DCC: variants seen among roughly 807,000 people sequenced by gnomAD.
DCC encodes DCC netrin 1 receptor.
DCC carries 58 observed loss-of-function variants against 172.5 expected under a neutral mutation model. The observed-to-expected ratio is 0.34, with a 90% confidence interval of 0.27 to 0.42. The LOEUF is 0.42. Among genes scored for constraint, DCC ranks in the 10% least tolerant of loss-of-function variants. The pLI, the probability that DCC is intolerant of heterozygous loss-of-function variation, is 1.00. For missense variants in DCC, 1,740 were observed against 1,791.0 expected (o/e 0.97, Z 0.51); for synonymous variants, 709 against 644.5 (o/e 1.10, Z -1.52).
intron 15 of DCC, among the ~76,000 whole-genome samples, chr18:53,375,376 G>A (rs2144967151): frequency 6.6e-6 from 1 of 152,250 alleles, no homozygotes; most frequent in Middle Eastern, 3.4e-3. Context: ...AAAGTAAAAG[G>A]AGAAAGGAAA....
At chr18:52,352,027 C>T (rs932229544) in intron 1 of DCC, among the ~76,000 whole-genome samples, 2 of 152,142 alleles carry the variant, frequency 1.3e-5, no homozygotes, top group Non-Finnish European at 2.9e-5. Context: ...AGCATCCCAG[C>T]TATTGGGTTT....
At chr18:52,590,316 A>G (rs1011509649) in intron 1 of DCC, among the ~76,000 whole-genome samples, 2 of 152,124 alleles carry the variant, frequency 1.3e-5, no homozygotes, top group Non-Finnish European at 2.9e-5. Context: ...ATGCTATGCA[A>G]TGTCGATGTC....
intron 1 of DCC, among the ~76,000 whole-genome samples, chr18:52,596,071 C>A (rs1269662073): frequency 6.6e-6 from 1 of 152,180 alleles, no homozygotes; most frequent in Non-Finnish European, 1.5e-5. Context: ...TGTTTTACAA[C>A]TATTGGCTCC....
intron 27 of DCC, among the ~76,000 whole-genome samples, chr18:53,506,457 A>G (rs1278781374): frequency 2.0e-5 from 3 of 152,220 alleles, no homozygotes; most frequent in Non-Finnish European, 4.4e-5. Flanking sequence ...CATAGAGTGG[A>G]AAAGACACTT....
chr18:53,014,162 A>G (rs2041771877), intron 5 of DCC, among the ~76,000 whole-genome samples: 2 of 152,198 alleles, frequency 1.3e-5, no homozygotes, highest in African/African-American at 4.8e-5. Flanking sequence ...CCCATTTTGA[A>G]TCAATCTACA....
intron 1 of DCC, among the ~76,000 whole-genome samples, chr18:52,749,990 T>C (rs1458166386): frequency 6.6e-6 from 1 of 152,172 alleles, no homozygotes; most frequent in Non-Finnish European, 1.5e-5. Flanking sequence ...GTCTCATCCT[T>C]AGTGTTTCTC....
chr18:52,971,856 C>G (rs970898697), intron 5 of DCC, among the ~76,000 whole-genome samples: 2 of 151,980 alleles, frequency 1.3e-5, no homozygotes, highest in African/African-American at 4.8e-5. Flanking sequence ...TTTTCTTATC[C>G]CTGGATCTCT....
intron 2 of DCC, among the ~76,000 whole-genome samples, chr18:52,865,302 C>CTGTGTGTTTT (rs2039206344): frequency 6.6e-6 from 1 of 152,060 alleles, no homozygotes; most frequent in Non-Finnish European, 1.5e-5. Flanking sequence ...ATAAACATAC[C>CTGTGTGTTTT]TGTGCATGTG....
At chr18:52,358,797 T>G (rs1334550330) in intron 1 of DCC, among the ~76,000 whole-genome samples, 1 of 152,182 alleles carries the variant, frequency 6.6e-6, no homozygotes, top group Non-Finnish European at 1.5e-5. Flanking sequence ...CTTGCTGGCT[T>G]TCATGTCCCC....
chr18:52,883,168 G>C (rs944860778), intron 2 of DCC, among the ~76,000 whole-genome samples: 4 of 151,786 alleles, frequency 2.6e-5, no homozygotes, highest in Admixed American at 6.6e-5. Flanking sequence ...TGGTTCTTGT[G>C]GGCAACAGAT....
intron 24 of DCC, among the ~76,000 whole-genome samples, chr18:53,464,879 T>C (rs1208405487): frequency 1.4e-5 from 2 of 146,994 alleles, no homozygotes; most frequent in African/African-American, 5.1e-5. Flanking sequence ...CTTGGGAGGC[T>C]GAAGCAGGAG....
chr18:53,195,394 A>C (rs2055428408), intron 9 of DCC, among the ~76,000 whole-genome samples: 1 of 152,128 alleles, frequency 6.6e-6, no homozygotes, highest in Admixed American at 6.5e-5. Context: ...AAGAGACTAC[A>C]TTTTTCTGAG....
At chr18:52,801,327 TAAC>T (rs2037980904) in intron 2 of DCC, among the ~76,000 whole-genome samples, 1 of 152,162 alleles carries the variant, frequency 6.6e-6, no homozygotes, top group Non-Finnish European at 1.5e-5. Context: ...ACTACAACAG[TAAC>T]AACAGCTCAC....
intron 21 of DCC, chr18:53,416,386 A>G (rs1190140763): frequency 1.5e-6 from 1 of 677,614 alleles, no homozygotes; most frequent in African/African-American, 1.8e-5. Flanking sequence ...ATTCTGAAGG[A>G]CCAATTAAAA....
At chr18:52,899,539 G>C (rs2039780677) in intron 2 of DCC, among the ~76,000 whole-genome samples, 1 of 151,878 alleles carries the variant, frequency 6.6e-6, no homozygotes, top group Non-Finnish European at 1.5e-5. Flanking sequence ...ATTTTTGATA[G>C]AGACGGGGTT....
chr18:53,108,028 T>G (rs559773315), intron 7 of DCC, among the ~76,000 whole-genome samples: 10 of 151,928 alleles, frequency 6.6e-5, no homozygotes, highest in Admixed American at 5.3e-4. Flanking sequence ...TAAATTAACT[T>G]TAATCCAAGA....
intron 11 of DCC, among the ~76,000 whole-genome samples, chr18:53,211,191 A>G (rs1416669326): frequency 6.6e-6 from 1 of 152,146 alleles, no homozygotes; most frequent in East Asian, 1.9e-4. Context: ...TATTTCTTGA[A>G]TACTTACTAA....
At chr18:53,481,455 T>A (rs1435781970) in intron 25 of DCC, among the ~76,000 whole-genome samples, 1 of 152,172 alleles carries the variant, frequency 6.6e-6, no homozygotes, top group Non-Finnish European at 1.5e-5. Context: ...TGAATGTCAT[T>A]CTGTGGCACT....
At chr18:53,176,892 C>A (rs12397575) in intron 8 of DCC, among the ~76,000 whole-genome samples, 12 of 140,762 alleles carry the variant, frequency 8.5e-5, no homozygotes, top group Non-Finnish European at 1.3e-4. Flanking sequence ...ATGTTTATTG[C>A]GGCATTATTC....
Sources: allele counts gnomAD v4.1 joint callset (sites outside exome capture counted in the v4.1 genomes callset), GRCh38; gene constraint gnomAD v4.1.1; transcripts MANE v1.5; gene names NCBI Gene and HGNC (gene_info 2026-07-23, HGNC 2026-07-21).